Variants in SLC9A3 observed in about 807,000 individuals in gnomAD.
The protein encoded by SLC9A3 is sodium/hydrogen exchanger 3.
Under a neutral mutation model 86.8 loss-of-function variants are expected in SLC9A3, and 37 were observed. The observed-to-expected ratio is 0.43, with a 90% CI of 0.33 to 0.56. The LOEUF is 0.56. Ranked by LOEUF, SLC9A3 falls within the 20% of genes least tolerant of loss-of-function variation. The pLI is 0.06. For synonymous variants in SLC9A3, 581 were observed against 528.3 expected (o/e 1.10, Z -1.37); for missense variants, 1,011 against 1,171.9 (o/e 0.86, Z 2.00).
chr5:476,107 T>G lies in SLC9A3; in HGVS notation c.2068-15A>C. ...CTGCTGTTTCTCTGCGGAGCAAACG[T>G]GAAGCTGCTCACACCCCGACACAGC... is the stretch of plus-strand genomic sequence containing the variant. On this transcript the variant is annotated splice_polypyrimidine_tract_variant and intron_variant, in intron 13 of 16. Coordinates refer to ENST00000264938, the MANE Select transcript of SLC9A3 (RefSeq NM_004174.4). 1 of 1,613,066 alleles carries G rather than the reference T, an allele frequency of 6.2e-7. No individual in the cohort carries two copies. The highest frequency in any genetic ancestry group is 1.1e-5 in the South Asian group (1 of 91,024).
chr5:482,941 C>T (rs190626986), intron 6 of SLC9A3, among the ~76,000 whole-genome samples, 191 bp from the exon 7 acceptor site: 20 of 151,572 alleles, frequency 1.3e-4, no homozygotes, highest in African/African-American at 3.6e-4. Flanking sequence ...GCGTCTCCCC[C>T]CCACGCTCCG....
intron 1 of SLC9A3, among the ~76,000 whole-genome samples, chr5:513,726 G>GC (rs1733641462): frequency 6.6e-6 from 1 of 152,160 alleles, no homozygotes; most frequent in African/African-American, 2.4e-5. Flanking sequence ...GCAGCCCCGG[G>GC]CCACCCTCGC....
chr5:522,230 C>A (rs978073397), intron 1 of SLC9A3, among the ~76,000 whole-genome samples: 2 of 152,208 alleles, frequency 1.3e-5, no homozygotes, highest in Non-Finnish European at 2.9e-5. Flanking sequence ...GAGCCGGCAG[C>A]CTCCCCGCCC....
intron 1 of SLC9A3, among the ~76,000 whole-genome samples, chr5:523,538 G>A (rs973083213): frequency 9.9e-5 from 15 of 150,936 alleles, no homozygotes; most frequent in Non-Finnish European, 1.6e-4. Flanking sequence ...GCTACCTGCC[G>A]TGCCCACATT....
rs1230567100 is a variant in SLC9A3 at position 497,795 on chromosome 5, C to CCTCCGACAACTCAGGCA, written c.212-5725_212-5724insTGCCTGAGTTGTCGGAG. 0.011 allele frequency among the ~76,000 whole-genome samples: 571 copies of CCTCCGACAACTCAGGCA among 53,244 alleles called. No homozygotes were observed. The highest frequency in any genetic ancestry group is 0.022 in the South Asian group (18 of 818). The allele number at this position is 53,244 out of a possible 152,430, so 34.9% of individuals were successfully genotyped here. On this transcript the variant is annotated intron_variant, in intron 1 of 16. Coordinates refer to ENST00000264938, the MANE Select transcript of SLC9A3 (RefSeq NM_004174.4). This position sits in a 1 kb window ranked among gnomAD's most constrained non-coding sequence, Gnocchi z 5.4. ...GCCCGGCCGCATCCCCAGCCTCTGC[C>CCTCCGACAACTCAGGCA]CCTGTCCCGGGTGGGGTCGCCCGGC...
chr5:522,840 G>A (rs1043630231), intron 1 of SLC9A3, among the ~76,000 whole-genome samples: 1 of 152,186 alleles, frequency 6.6e-6, no homozygotes, highest in Admixed American at 6.5e-5. Context: ...GGACTGGGCG[G>A]CCGCAGAGCC....
Position 482,692 on chromosome 5 carries a change from A to G in SLC9A3, c.1212T>C (p.Ile404=), listed in dbSNP as rs201331870. ...NRYRMVQLEP[I]DQVVLSYGGL... The stretch of plus-strand genomic sequence containing the variant: ...CCCCGTAGGACAGGACCACCTGGTC[A>G]ATGGGCTCCAGCTGCACCATGCGGT... The change falls in exon 7 of 17, where the codon ATT becomes ATC. Residue 404 remains isoleucine (I), a synonymous_variant. Coordinates refer to ENST00000264938, the MANE Select transcript of SLC9A3 (RefSeq NM_004174.4). 2.5e-5 allele frequency: 40 copies of G among 1,612,382 alleles called. No individual in the cohort carries two copies. In the African/African-American group the frequency reaches 3.3e-4, roughly 13 times the overall value.
chr5:504,088 C>T (rs1174932182), intron 1 of SLC9A3, among the ~76,000 whole-genome samples: 1 of 152,230 alleles, frequency 6.6e-6, no homozygotes, highest in East Asian at 1.9e-4. Context: ...TTAGCATTCC[C>T]CGTGTTTTTG....
At chr5:480,916 A>C (rs1010450903) in intron 9 of SLC9A3, 1 of 152,288 alleles carries the variant, frequency 6.6e-6, no homozygotes, top group Non-Finnish European at 1.5e-5. Context: ...TTTGGGACGA[A>C]GTCTCGCTCT....
At position 482,053 on chromosome 5, in the gene SLC9A3, C is replaced by T. The variant is rs769983263; in HGVS notation, c.1446+15G>A. The T allele has an allele frequency of 1.0e-5, 11 of 1,088,514 alleles. 1 individual carries two copies. The highest frequency in any genetic ancestry group is 5.7e-4 in the Middle Eastern group (2 of 3,480). The allele number at this position is 1,088,514 out of a possible 1,614,324, so 67.4% of individuals were successfully genotyped here. A position where few individuals can be genotyped will look rare whatever the true frequency, so the allele number is the denominator to read the frequency against. ...CACGCAGTGCCCCCCCCCCGCCCCC[C>T]AGCCCCGCACTTACGCGCCCGTGCA... On this transcript the variant is annotated intron_variant, in intron 8 of 16. Transcript: ENST00000264938.
chr5:477,453 A>T lies in SLC9A3; in HGVS notation c.1648-9T>A. The T allele has an allele frequency of 6.2e-7, 1 of 1,604,630 alleles. No individual in the cohort carries two copies. On this transcript the variant is annotated splice_polypyrimidine_tract_variant and intron_variant, in intron 10 of 16. Transcript: ENST00000264938. ...GACCCGCGGCGCTCTCCCTGTGGTCAGGAAGCAGCCCGGTCAGTGGCCTGA... is the reference window on the plus strand; with the variant it reads ...GACCCGCGGCGCTCTCCCTGTGGTCTGGAAGCAGCCCGGTCAGTGGCCTGA...
intron 2 of SLC9A3, among the ~76,000 whole-genome samples, chr5:489,893 C>A (rs1739644893): frequency 2.0e-5 from 3 of 152,252 alleles, no homozygotes; most frequent in African/African-American, 7.2e-5. Context: ...ATGTTCCAGG[C>A]CTTTCTCCAC....
chr5:504,780 C>A (rs546675226), intron 1 of SLC9A3, among the ~76,000 whole-genome samples: 11 of 152,180 alleles, frequency 7.2e-5, no homozygotes, highest in African/African-American at 2.4e-4. Flanking sequence ...GGCCGGCCAC[C>A]GACATGGCCC....
chr5:520,355 C>T (rs1017811599), intron 1 of SLC9A3, among the ~76,000 whole-genome samples: 1 of 152,186 alleles, frequency 6.6e-6, no homozygotes, highest in African/African-American at 2.4e-5. Flanking sequence ...CGGGTCCTGT[C>T]GCTCATGTGT....
intron 1 of SLC9A3, among the ~76,000 whole-genome samples, chr5:507,323 A>T (rs1014468007): frequency 2.2e-5 from 3 of 134,740 alleles, no homozygotes; most frequent in Non-Finnish European, 1.6e-5. Flanking sequence ...GCCCGCCACC[A>T]CGCCCAGCTA....
Position 471,597 on chromosome 5 carries a change from C to T in SLC9A3, c.*1782G>A. ...GGCTGCAGCAGGGAACCAGGGCTGG[C>T]CTTGGATCTGTCCAGTAGGGTCACT... On this transcript the variant is annotated 3_prime_UTR_variant, in exon 17 of 17. Coordinates refer to ENST00000264938, the MANE Select transcript of SLC9A3 (RefSeq NM_004174.4). 2.8e-6 allele frequency: 1 copy of T among 362,740 alleles called. No homozygotes were observed. The highest frequency in any genetic ancestry group is 2.1e-5 in the South Asian group (1 of 48,566). The allele number at this position is 362,740 out of a possible 1,614,324, so 22.5% of individuals were successfully genotyped here. A position where few individuals can be genotyped will look rare whatever the true frequency, so the allele number is the denominator to read the frequency against.
chr5:500,701 C>T (rs1156948911), intron 1 of SLC9A3, among the ~76,000 whole-genome samples: 1 of 58,754 alleles, frequency 1.7e-5, no homozygotes, highest in African/African-American at 1.1e-4. Flanking sequence ...TGGATGGGGC[C>T]AGTGTGGATG....
chr5:488,600 GAGCTGGGT>G, intron 2 of SLC9A3, 124 bp from the exon 3 acceptor site: 4 of 992,512 alleles, frequency 4.0e-6, no homozygotes, highest in Non-Finnish European at 2.9e-6. Context: ...GTGGCGTGGG[GAGCTGGGT>G]CAGCTTCCTG....
rs79568252 is a variant in SLC9A3, at chr5:519,148, C to T, written c.211+4964G>A. On this transcript the variant is annotated intron_variant, in intron 1 of 16. Transcript: ENST00000264938. Reference sequence around the variant, plus strand: ...GGAGAGTCTTTGCTTCCAGGCCTCCCGTGATGGCTCCTGACTCCAAACCCA... The same window carrying T: ...GGAGAGTCTTTGCTTCCAGGCCTCCTGTGATGGCTCCTGACTCCAAACCCA... Among the ~76,000 whole-genome samples, 1,247 of 152,238 alleles carry T rather than the reference C, an allele frequency of 8.2e-3. 12 individuals are homozygous for T. The highest frequency in any genetic ancestry group is 0.025 in the African/African-American group (1,041 of 41,542).
Sources: allele counts gnomAD v4.1 joint callset (sites outside exome capture counted in the v4.1 genomes callset), GRCh38; gene constraint gnomAD v4.1.1; non-coding constraint Gnocchi (gnomAD v3.1); transcripts MANE v1.5; gene names NCBI Gene and HGNC (gene_info 2026-07-23, HGNC 2026-07-21).